COL6A5: variants seen among roughly 807,000 people sequenced by gnomAD.
COL6A5 encodes collagen type VI alpha 5 chain.
A neutral mutation model predicts 65.6 loss-of-function variants in COL6A5; 48 were observed. That is an observed-to-expected ratio of 0.73 (90% confidence interval 0.58 to 0.93). The LOEUF (loss-of-function observed/expected upper bound fraction) is 0.93, where lower values mean the gene tolerates loss of function less well. COL6A5 is among the 40% of genes least tolerant of loss of function. COL6A5 has a pLI of 0.00. For synonymous variants in COL6A5, 291 were observed against 322.8 expected, an observed-to-expected ratio of 0.90 and a Z score of 1.05; for missense variants, 914 against 928.3, an observed-to-expected ratio of 0.98 and a Z score of 0.20.
intron 1 of COL6A5, among the ~76,000 whole-genome samples, chr3:130,365,515 G>A (rs1386407559): frequency 6.6e-6 from 1 of 152,132 alleles, no homozygotes; most frequent in Non-Finnish European, 1.5e-5. Flanking sequence ...CTGACCTCGT[G>A]ATCCGCCCGC....
exon 19 of COL6A5, chr3:130,410,015 C>G: frequency 6.5e-7 from 1 of 1,546,630 alleles, no homozygotes. Context: ...CTAGGGTAAT[C>G]CAGGACAAAA....
exon 8 of COL6A5, chr3:130,395,128 G>GA: frequency 1.3e-6 from 2 of 1,551,680 alleles, no homozygotes; most frequent in Non-Finnish European, 1.7e-6. Context: ...ATGTCTCCAA[G>GA]AGCGGTGGAT....
chr3:130,451,712 A>G (rs1403734566), intron 4 of COL6A5, among the ~76,000 whole-genome samples: 1 of 152,112 alleles, frequency 6.6e-6, no homozygotes, highest in African/African-American at 2.4e-5. Flanking sequence ...AGTCAAAGTC[A>G]TCCGAGTTAG....
chr3:130,479,543 A>G (rs1710186920), intron 7 of COL6A5, among the ~76,000 whole-genome samples: 1 of 152,066 alleles, frequency 6.6e-6, no homozygotes, highest in East Asian at 1.9e-4. Flanking sequence ...CATCACAGGA[A>G]CCCCCAATAC....
chr3:130,472,909 A>G (rs1247999735), intron 7 of COL6A5, among the ~76,000 whole-genome samples: 1 of 147,558 alleles, frequency 6.8e-6, no homozygotes, highest in Non-Finnish European at 1.5e-5. Flanking sequence ...ATATACACAC[A>G]TACATAAACA....
Position 130,408,626 on chromosome 3 carries a change from C to T in COL6A5, c.4480-700C>T, listed in dbSNP as rs186209055. Among the ~76,000 whole-genome samples, 841 of 152,142 alleles carry T rather than the reference C, an allele frequency of 5.5e-3. 6 individuals are homozygous for T. The highest frequency in any genetic ancestry group is 0.02 in the African/African-American group (814 of 41,474). Reference sequence around the variant, plus strand: ...TGTGACCCACTCCCTATTCGTACACCACTCCCCTTTTGAAACCCCTAATAA... The same window carrying T: ...TGTGACCCACTCCCTATTCGTACACTACTCCCCTTTTGAAACCCCTAATAA... On this transcript the variant is annotated intron_variant and NMD_transcript_variant, in intron 17 of 41. Coordinates refer to the COL6A5 transcript ENST00000312481.
intron 1 of COL6A5, among the ~76,000 whole-genome samples, chr3:130,433,697 T>C (rs1937915106): frequency 6.6e-6 from 1 of 152,184 alleles, no homozygotes; most frequent in Non-Finnish European, 1.5e-5. Flanking sequence ...TCTGAGAGTG[T>C]CTGTTTCCCC....
intron 8 of COL6A5, among the ~76,000 whole-genome samples, chr3:130,396,310 A>C (rs1169352400): frequency 6.6e-6 from 1 of 152,232 alleles, no homozygotes; most frequent in East Asian, 1.9e-4. Flanking sequence ...CTTCTTTCAC[A>C]AAATGTGATA....
chr3:130,416,108 C>G (rs532443457), intron 23 of COL6A5, among the ~76,000 whole-genome samples: 1 of 152,254 alleles, frequency 6.6e-6, no homozygotes, highest in East Asian at 1.9e-4. Flanking sequence ...CCTTGCTACT[C>G]AAACCTACTT....
chr3:130,384,604 CCT>C lies in COL6A5; in HGVS notation c.1301-199_1301-198del, dbSNP rs1211253482. On this transcript the variant is annotated intron_variant and NMD_transcript_variant, in intron 4 of 41. Transcript: ENST00000312481. Reference sequence around the variant, plus strand: ...CCTTAGACAAACCACTACATTTTGCCCTGTTTCAATTTTCTCACAAGGTGTTG... The same window carrying C: ...CCTTAGACAAACCACTACATTTTGCCGTTTCAATTTTCTCACAAGGTGTTG... Among the ~76,000 whole-genome samples, 8 of 152,100 alleles carry C rather than the reference CCT, an allele frequency of 5.3e-5. No homozygotes were observed. The East Asian group carries it at 1.4e-3, about 26-fold the overall frequency.
At chr3:130,405,909 C>G in intron 14 of COL6A5, 84 bp from the exon 15 acceptor site, 1 of 1,320,696 alleles carries the variant, frequency 7.6e-7, no homozygotes, top group Non-Finnish European at 1.1e-6. Flanking sequence ...TAAAGAAATA[C>G]ATGCTCACTC....
At chr3:130,376,940 T>C (rs193128156) in intron 3 of COL6A5, 104 bp downstream of exon 3, 835 of 1,305,778 alleles carry the variant, frequency 6.4e-4, no homozygotes, top group Non-Finnish European at 7.9e-4. Context: ...ATTAGCCATG[T>C]TGAAGTATTG....
At chr3:130,352,986 T>C (rs192150857) in intron 1 of COL6A5, among the ~76,000 whole-genome samples, 144 of 152,270 alleles carry the variant, frequency 9.5e-4, no homozygotes, top group African/African-American at 3.3e-3. Flanking sequence ...AAAAACAAAG[T>C]ATAGAGACTG....
intron 17 of COL6A5, among the ~76,000 whole-genome samples, chr3:130,408,386 G>A (rs1937070595): frequency 6.6e-6 from 1 of 152,092 alleles, no homozygotes. Context: ...ACGCCCCCAG[G>A]CTTGCTAGGA....
upstream of COL6A5, among the ~76,000 whole-genome samples, chr3:130,430,088 C>A (rs550026587): frequency 1.3e-5 from 2 of 152,192 alleles, no homozygotes; most frequent in Non-Finnish European, 2.9e-5. Flanking sequence ...CCTTGGGTGG[C>A]AAGGCCATTG....
At chr3:130,345,979 T>G (rs1476177490) in exon 1 of COL6A5, 2 of 398,384 alleles carry the variant, frequency 5.0e-6, no homozygotes, top group Admixed American at 4.4e-5. Flanking sequence ...CCGGGAAAGC[T>G]GGGTAAGTAT....
At chr3:130,397,461 A>C in intron 8 of COL6A5, 122 bp from the exon 9 acceptor site, 1 of 651,700 alleles carries the variant, frequency 1.5e-6, no homozygotes, top group South Asian at 2.1e-5. Flanking sequence ...TCCTTCTTGA[A>C]CACTATTTGG....
exon 9 of COL6A5, chr3:130,397,882 C>G: frequency 1.3e-6 from 2 of 1,551,664 alleles, no homozygotes; most frequent in Non-Finnish European, 1.7e-6. Flanking sequence ...CTTGCGGTCT[C>G]TTTGGGACAC....
intron 4 of COL6A5, among the ~76,000 whole-genome samples, chr3:130,452,119 A>G (rs766801108): frequency 5.3e-5 from 8 of 152,156 alleles, no homozygotes; most frequent in Non-Finnish European, 1.2e-4. Context: ...TAGCAGAGAT[A>G]AGCATGATGC....
Sources: gnomAD v4.1 joint callset for allele counts (sites outside exome capture counted in the v4.1 genomes callset) on GRCh38, gnomAD v4.1.1 for gene constraint, MANE v1.5 for transcripts, NCBI Gene and HGNC (gene_info 2026-07-23, HGNC 2026-07-21) for gene names.